IBTK: variants seen among roughly 807,000 people sequenced by gnomAD.
IBTK encodes the protein BTK-binding protein.
A neutral mutation model predicts 154.9 loss-of-function variants in IBTK; 83 were observed. That is an observed-to-expected ratio of 0.54 (90% CI 0.45 to 0.64). IBTK has a LOEUF of 0.64. Among genes scored for constraint, IBTK ranks in the 30% least tolerant of loss-of-function variants. The pLI, the probability that IBTK is intolerant of heterozygous loss-of-function variation, is 0.00. For synonymous variants in IBTK, 515 were observed against 536.1 expected, an observed-to-expected ratio of 0.96 and a Z score of 0.54; for missense variants, 1,332 against 1,584.6, an observed-to-expected ratio of 0.84 and a Z score of 2.71.
Position 82,173,346 on chromosome 6 carries a change from TA to T in IBTK, c.3797+20del. The T allele has an allele frequency of 6.3e-7, 1 of 1,583,948 alleles. No homozygotes were observed. The highest frequency in any genetic ancestry group is 8.7e-7 in the Non-Finnish European group (1 of 1,153,686). ...GCAGCAACTTAGCTTTGGAGGCCCA[TA>T]ACTTATCAATTAACCTTACTTGGGA... is the stretch of plus-strand genomic sequence containing the variant. On this transcript the variant is annotated intron_variant, in intron 27 of 28. Coordinates refer to ENST00000306270, the MANE Select transcript of IBTK (RefSeq NM_015525.4).
intron 23 of IBTK, 22 bp downstream of exon 23, chr6:82,194,457 T>C (rs763347418): frequency 2.7e-6 from 4 of 1,478,900 alleles, no homozygotes; most frequent in African/African-American, 2.8e-5. Context: ...CTAACAGTTA[T>C]AGAATAAAAT....
chr6:82,205,855 T>C (rs1582215777), intron 16 of IBTK: 1 of 149,110 alleles, frequency 6.7e-6, no homozygotes, highest in Non-Finnish European at 1.5e-5. Context: ...ACAACATAAA[T>C]TGAAAGAAAA....
At chr6:82,230,856 T>C (rs1419619321) in intron 4 of IBTK, among the ~76,000 whole-genome samples, 1 of 152,156 alleles carries the variant, frequency 6.6e-6, no homozygotes, top group Non-Finnish European at 1.5e-5. Flanking sequence ...TGTAAGGATA[T>C]AAGACCACAG....
intron 13 of IBTK, 36 bp downstream of exon 13, chr6:82,212,671 C>T (rs9353057): frequency 0.22 from 308,186 of 1,372,420 alleles, 35,516 homozygotes; most frequent in Admixed American, 0.3. Flanking sequence ...TGCCAAAATC[C>T]AGACATGAAA....
Position 82,171,304 on chromosome 6 carries a change from TTA to T in IBTK, c.*119_*120del, listed in dbSNP as rs1466534942. The T allele has an allele frequency of 7.1e-6, 5 of 702,852 alleles. No homozygotes were observed. The highest frequency in any genetic ancestry group is 4.5e-6 in the Non-Finnish European group (2 of 448,352). 43.5% of individuals were successfully genotyped at this position (702,852 alleles called of 1,614,324 possible). A position where few individuals can be genotyped will look rare whatever the true frequency, so the allele number is the denominator to read the frequency against. On this transcript the variant is annotated 3_prime_UTR_variant, in exon 29 of 29. Transcript: ENST00000306270. ...ATATGATTTAACTGCAGTAAAGAAATTATATCTTTTCTTAATCTATTTAGAAT... is the reference window on the plus strand; with the variant it reads ...ATATGATTTAACTGCAGTAAAGAAATTATCTTTTCTTAATCTATTTAGAAT...
At chr6:82,220,532 G>A in intron 9 of IBTK, 58 bp downstream of exon 9, 1 of 1,493,754 alleles carries the variant, frequency 6.7e-7, no homozygotes, top group Non-Finnish European at 9.0e-7. Flanking sequence ...ATGTTACCAG[G>A]TCTGCTACAG....
intron 3 of IBTK, 137 bp downstream of exon 3, chr6:82,234,022 C>T (rs954103199): frequency 5.5e-5 from 23 of 420,594 alleles, no homozygotes; most frequent in Non-Finnish European, 9.3e-5. Flanking sequence ...AGCCGCAGCG[C>T]CCAGCCCATT....
At chr6:82,225,001 T>G (rs975470973) in intron 6 of IBTK, among the ~76,000 whole-genome samples, 4 of 152,038 alleles carry the variant, frequency 2.6e-5, no homozygotes, top group Admixed American at 2.6e-4. Flanking sequence ...TTTCTCCTGT[T>G]AAAAATAAAG....
intron 8 of IBTK, among the ~76,000 whole-genome samples, chr6:82,221,079 C>T (rs923249962): frequency 6.6e-6 from 1 of 152,124 alleles, no homozygotes; most frequent in African/African-American, 2.4e-5. Flanking sequence ...GTAATCCCAG[C>T]ACTTTGGGAG....
intron 26 of IBTK, among the ~76,000 whole-genome samples, chr6:82,177,265 G>A (rs987098709): frequency 4.6e-5 from 7 of 151,738 alleles, no homozygotes; most frequent in Non-Finnish European, 1.0e-4. Flanking sequence ...GCTGGAGTGC[G>A]GTGACGTGAT....
Position 82,202,578 on chromosome 6 carries a change from C to T in IBTK, c.2679G>A (p.Leu893=), listed in dbSNP as rs773443344. The T allele has an allele frequency of 6.2e-7, 1 of 1,611,476 alleles. No individual in the cohort carries two copies. The highest frequency in any genetic ancestry group is 1.1e-5 in the South Asian group (1 of 90,688). The change falls in exon 18 of 29, where the codon CTG becomes CTA. Residue 893 remains leucine (L), a synonymous_variant. Coordinates refer to ENST00000306270, the MANE Select transcript of IBTK (RefSeq NM_015525.4). ...AAMYSAKQLK[L]SCLQFIGLNM... is the part of the protein sequence containing the mutation. ...TCAATCCTATAAACTGTAAACAAGA[C>T]AGTTTCAACTGTTTTGCACTATACA...
intron 24 of IBTK, 72 bp downstream of exon 24, chr6:82,191,715 T>A: frequency 1.1e-6 from 1 of 908,824 alleles, no homozygotes; most frequent in Non-Finnish European, 1.8e-6. Context: ...ATAAGAAAGA[T>A]GCAGTAAGTC....
intron 1 of IBTK, among the ~76,000 whole-genome samples, chr6:82,243,154 T>A (rs1286384818): frequency 6.9e-6 from 1 of 145,888 alleles, no homozygotes; most frequent in Non-Finnish European, 1.5e-5. Flanking sequence ...GGCAGGAGAA[T>A]GGCGTGAACC....
chr6:82,193,547 C>T (rs546645), intron 23 of IBTK, among the ~76,000 whole-genome samples: 149,857 of 152,376 alleles, frequency 0.98, 73,696 homozygotes, highest in East Asian at 1. Context: ...AAGAATTAAA[C>T]AGTCCAGATG....
chr6:82,245,635 A>G (rs569256278), intron 1 of IBTK, among the ~76,000 whole-genome samples: 2 of 152,338 alleles, frequency 1.3e-5, no homozygotes, highest in African/African-American at 2.4e-5. Flanking sequence ...GATAGTAAAT[A>G]TAAAAGAACT....
chr6:82,224,159 C>T lies in IBTK; in HGVS notation c.852G>A (p.Arg284=), dbSNP rs777293955. 6 of 1,613,904 alleles carry T rather than the reference C, an allele frequency of 3.7e-6. No individual in the cohort carries two copies. Among genetic ancestry groups the T allele is most frequent in the Non-Finnish European group, 5.1e-6 (6 of 1,179,820 alleles). The change falls in exon 7 of 29, where the codon AGG becomes AGA. Residue 284 remains arginine (R), a synonymous_variant. Coordinates refer to ENST00000306270, the MANE Select transcript of IBTK (RefSeq NM_015525.4). ...RQIQAKYLKG[R]TIIGVAAGRF... ...TGCCTGCTGCAACGCCAATGATTGT[C>T]CTTCCTTTCAGATATTTTGCCTGTA...
intron 6 of IBTK, among the ~76,000 whole-genome samples, chr6:82,224,552 C>T (rs1770223482): frequency 6.6e-6 from 1 of 152,204 alleles, no homozygotes; most frequent in Admixed American, 6.5e-5. Context: ...TCCATGGTCT[C>T]TCAATAGTGG....
In IBTK at chr6:82,202,651, A is replaced by T; in HGVS notation, c.2612-6T>A. On this transcript the variant is annotated splice_region_variant and splice_polypyrimidine_tract_variant and intron_variant, in intron 17 of 28. Coordinates refer to ENST00000306270, the MANE Select transcript of IBTK (RefSeq NM_015525.4). Reference sequence around the variant, plus strand: ...AGCAGCATTCTTCAGGGTAACTACAAAGAAAGAAAAGATTTGCAAAATTAG... The same window carrying T: ...AGCAGCATTCTTCAGGGTAACTACATAGAAAGAAAAGATTTGCAAAATTAG... 6.6e-7 allele frequency: 1 copy of T among 1,519,454 alleles called. No individual in the cohort carries two copies. The highest frequency in any genetic ancestry group is 2.3e-5 in the East Asian group (1 of 42,588). The allele number at this position is 1,519,454 out of a possible 1,614,324, so 94.1% of individuals were successfully genotyped here.
intron 5 of IBTK, among the ~76,000 whole-genome samples, chr6:82,226,609 T>TG (rs1382687720): frequency 7.3e-5 from 11 of 151,662 alleles, no homozygotes; most frequent in South Asian, 2.1e-4. Context: ...TTTTTGTTTT[T>TG]TTTTTTTTCT....
Sources: gnomAD v4.1 joint callset for allele counts (sites outside exome capture counted in the v4.1 genomes callset) on GRCh38, gnomAD v4.1.1 for gene constraint, MANE v1.5 for transcripts, NCBI Gene and HGNC (gene_info 2026-07-23, HGNC 2026-07-21) for gene names.